Variants in PKN2 observed in about 807,000 individuals in gnomAD.
PKN2 encodes serine/threonine-protein kinase N2.
PKN2 carries 38 observed loss-of-function variants against 119.1 expected under a neutral mutation model. The observed-to-expected ratio is 0.32, with a 90% CI of 0.25 to 0.42. The LOEUF is 0.42. Among genes scored for constraint, PKN2 ranks in the 10% least tolerant of loss-of-function variants. The probability of loss-of-function intolerance (pLI) is 1.00; values close to 1 mark genes in which losing one functional copy is unlikely to be tolerated. For missense variants in PKN2, 850 were observed against 1,165.1 expected, an observed-to-expected ratio of 0.73 and a Z score of 3.94; for synonymous variants, 390 against 384.9, an observed-to-expected ratio of 1.01 and a Z score of -0.15.
intron 6 of PKN2, among the ~76,000 whole-genome samples, chr1:88,773,024 C>T (rs138404753): frequency 3.0e-4 from 46 of 152,174 alleles, no homozygotes; most frequent in Admixed American, 7.2e-4. Flanking sequence ...ATCTTCTAGA[C>T]GGATTGACTC....
intron 7 of PKN2, 106 bp downstream of exon 7, chr1:88,784,930 A>G (rs952641518): frequency 3.1e-5 from 17 of 545,214 alleles, no homozygotes; most frequent in African/African-American, 2.9e-4. Context: ...TATGGTTTTT[A>G]TAATTTAATT....
chr1:88,813,399 A>C (rs1405175860), intron 15 of PKN2, among the ~76,000 whole-genome samples, 158 bp from the exon 16 acceptor site: 1 of 152,176 alleles, frequency 6.6e-6, no homozygotes, highest in African/African-American at 2.4e-5. Flanking sequence ...TAGGTAGGTC[A>C]GTTTTCATAG....
intron 2 of PKN2, among the ~76,000 whole-genome samples, chr1:88,758,059 A>C (rs1160851869): frequency 6.6e-6 from 1 of 151,386 alleles, no homozygotes; most frequent in African/African-American, 2.4e-5. Context: ...AAAAAAAAAA[A>C]AAAAGAAGTG....
chr1:88,789,215 GGATGTT>G (rs1193754830), intron 8 of PKN2, among the ~76,000 whole-genome samples: 1 of 152,122 alleles, frequency 6.6e-6, no homozygotes, highest in East Asian at 1.9e-4. Context: ...TCATATCAGT[GGATGTT>G]GAAGTATTAG....
intron 1 of PKN2, among the ~76,000 whole-genome samples, chr1:88,692,808 G>T (rs976855056): frequency 2.0e-5 from 3 of 152,038 alleles, no homozygotes; most frequent in Non-Finnish European, 4.4e-5. Flanking sequence ...TTCTTTTATG[G>T]AGTTGTGTGG....
At position 88,754,119 on chromosome 1, in the gene PKN2, A is replaced by G. The variant is rs190482361; in HGVS notation, c.350-6103A>G. 2.5e-3 allele frequency among the ~76,000 whole-genome samples: 385 copies of G among 152,144 alleles called. 3 individuals carry two copies. Among genetic ancestry groups the G allele is most frequent in the African/African-American group, 8.8e-3 (364 of 41,490 alleles). On this transcript the variant is annotated intron_variant, in intron 2 of 21. Transcript: ENST00000370521. ...GGGGTTGATTGGGTATCTTGAATCT[A>G]TGGATTGGCATTTTTATTAGTTCTT...
intron 1 of PKN2, among the ~76,000 whole-genome samples, chr1:88,685,671 GTTATCTT>G (rs1467264152): frequency 6.6e-6 from 1 of 151,996 alleles, no homozygotes; most frequent in Non-Finnish European, 1.5e-5. Context: ...TTTTAATATA[GTTATCTT>G]TTAGCTACTC....
At chr1:88,704,122 TTG>T (rs1170045977) in intron 1 of PKN2, among the ~76,000 whole-genome samples, 2 of 152,170 alleles carry the variant, frequency 1.3e-5, no homozygotes, top group African/African-American at 4.8e-5. Context: ...AAAAGTTTCT[TTG>T]TGTCTCTTTC....
At chr1:88,729,797 C>T (rs770047175) in intron 1 of PKN2, among the ~76,000 whole-genome samples, 4 of 152,146 alleles carry the variant, frequency 2.6e-5, no homozygotes, top group Non-Finnish European at 4.4e-5. Flanking sequence ...ACCATAGCTT[C>T]GCAACATGTT....
rs963906443 is a variant in PKN2 at position 88,835,609 on chromosome 1, A to G, written c.*2161A>G. Reference sequence around the variant, plus strand: ...AAATTTTAAGCTTTATAGAGTGTAAATATATTTTGCTATTACTGTATGTGT... The same window carrying G: ...AAATTTTAAGCTTTATAGAGTGTAAGTATATTTTGCTATTACTGTATGTGT... On this transcript the variant is annotated 3_prime_UTR_variant, in exon 22 of 22. Coordinates refer to ENST00000370521, the MANE Select transcript of PKN2 (RefSeq NM_006256.4). The G allele has an allele frequency of 6.6e-6, 1 of 152,394 alleles. No homozygotes were observed. The highest frequency in any genetic ancestry group is 1.5e-5 in the Non-Finnish European group (1 of 67,910). The allele number at this position is 152,394 out of a possible 1,614,324, so 9.4% of individuals were successfully genotyped here. A position where few individuals can be genotyped will look rare whatever the true frequency, so the allele number is the denominator to read the frequency against.
chr1:88,819,658 T>C (rs916865844), intron 16 of PKN2, among the ~76,000 whole-genome samples: 1 of 152,204 alleles, frequency 6.6e-6, no homozygotes, highest in South Asian at 2.1e-4. Flanking sequence ...GCCATCCCAT[T>C]ACTGGGTATA....
At position 88,835,301 on chromosome 1, in the gene PKN2, A is replaced by C. The variant is rs1672897702; in HGVS notation, c.*1853A>C. 1.3e-5 allele frequency: 2 copies of C among 152,520 alleles called. No individual in the cohort carries two copies. Among genetic ancestry groups the C allele is most frequent in the African/African-American group, 4.8e-5 (2 of 41,456 alleles). 9.4% of individuals were successfully genotyped at this position (152,520 alleles called of 1,614,324 possible). A position where few individuals can be genotyped will look rare whatever the true frequency, so the allele number is the denominator to read the frequency against. On this transcript the variant is annotated 3_prime_UTR_variant, in exon 22 of 22. Coordinates refer to ENST00000370521, the MANE Select transcript of PKN2 (RefSeq NM_006256.4). ...GAACTTAGCTTAATTGTCTGGCTTT[A>C]ATTTAAACTGTGTTAATACAACATT...
intron 1 of PKN2, among the ~76,000 whole-genome samples, chr1:88,697,996 G>T (rs536212963): frequency 4.3e-4 from 66 of 152,068 alleles, no homozygotes; most frequent in African/African-American, 1.3e-3. Context: ...TAAAATCTTT[G>T]AAGGAAAGGA....
In PKN2 at chr1:88,722,793, A is replaced by T. The variant is rs190775692; in HGVS notation, c.49-18195A>T. ...GCAAGACCCTGTCTCAAAATAAAAA[A>T]AAAAAAAAGAAACGAAAAAAATTAT... On this transcript the variant is annotated intron_variant, in intron 1 of 21. Transcript: ENST00000370521. 2.6e-5 allele frequency among the ~76,000 whole-genome samples: 4 copies of T among 152,178 alleles called. No individual in the cohort carries two copies. In the East Asian group the frequency reaches 7.7e-4, roughly 29 times the overall value.
intron 16 of PKN2, among the ~76,000 whole-genome samples, chr1:88,821,140 T>A (rs1379806698): frequency 1.3e-5 from 2 of 152,232 alleles, no homozygotes; most frequent in African/African-American, 4.8e-5. Flanking sequence ...CATTCTAAGA[T>A]GGAAACCTTG....
intron 6 of PKN2, among the ~76,000 whole-genome samples, chr1:88,783,588 AGTT>A (rs1437807396): frequency 6.6e-5 from 10 of 152,260 alleles, no homozygotes; most frequent in Admixed American, 2.6e-4. Flanking sequence ...AAAATTAAGT[AGTT>A]ATTTAAATTA....
intron 19 of PKN2, among the ~76,000 whole-genome samples, chr1:88,829,866 A>G (rs146299815): frequency 1.4e-3 from 210 of 152,292 alleles, no homozygotes; most frequent in Non-Finnish European, 2.5e-3. Context: ...GTTTTGTTCT[A>G]TGCTTGTCAT....
intron 8 of PKN2, among the ~76,000 whole-genome samples, chr1:88,790,654 G>A (rs538441596): frequency 6.6e-5 from 10 of 152,072 alleles, no homozygotes; most frequent in Middle Eastern, 3.4e-3. Context: ...TATCTTACTT[G>A]GGTATCTTTC....
chr1:88,736,862 CAGTT>C (rs1325764940), intron 1 of PKN2, among the ~76,000 whole-genome samples: 1 of 152,178 alleles, frequency 6.6e-6, no homozygotes, highest in Non-Finnish European at 1.5e-5. Flanking sequence ...AGTGAATTCA[CAGTT>C]GGTTTGTGTT....
Sources: gnomAD v4.1 joint callset for allele counts (sites outside exome capture counted in the v4.1 genomes callset) on GRCh38, gnomAD v4.1.1 for gene constraint, MANE v1.5 for transcripts, NCBI Gene and HGNC (gene_info 2026-07-23, HGNC 2026-07-21) for gene names.